Variants in HDAC9 observed in about 807,000 individuals in gnomAD.
The protein encoded by HDAC9 is histone deacetylase 9.
A neutral mutation model predicts 139.4 loss-of-function variants in HDAC9; 41 were observed. The observed-to-expected ratio is 0.29, with a 90% CI of 0.23 to 0.38. The LOEUF (loss-of-function observed/expected upper bound fraction) is 0.38, where lower values mean the gene tolerates loss of function less well. Among genes scored for constraint, HDAC9 ranks in the 10% least tolerant of loss-of-function variants. The pLI is 1.00. For synonymous variants in HDAC9, 517 were observed against 476.2 expected, an observed-to-expected ratio of 1.09 and a Z score of -1.12; for missense variants, 1,147 against 1,297.0, an observed-to-expected ratio of 0.88 and a Z score of 1.78.
intron 6 of HDAC9, among the ~76,000 whole-genome samples, chr7:18,618,378 T>C (rs1046725334): frequency 6.6e-6 from 1 of 152,102 alleles, no homozygotes; most frequent in Admixed American, 6.6e-5. Flanking sequence ...ATGAGGTTCA[T>C]GCTGAGAGAA....
At chr7:18,962,579 T>C (rs965445085) in intron 24 of HDAC9, among the ~76,000 whole-genome samples, 2 of 152,070 alleles carry the variant, frequency 1.3e-5, no homozygotes, top group African/African-American at 4.8e-5. Context: ...GAAAACCAAT[T>C]AAACCAAGAA....
At chr7:18,161,583 A>T (rs990875540) in intron 1 of HDAC9, among the ~76,000 whole-genome samples, 1 of 152,192 alleles carries the variant, frequency 6.6e-6, no homozygotes, top group Admixed American at 6.5e-5. Flanking sequence ...GTGGAAGTAC[A>T]TTAAAATTAA....
intron 1 of HDAC9, among the ~76,000 whole-genome samples, chr7:18,457,641 T>C (rs1300505162): frequency 6.6e-6 from 1 of 152,224 alleles, no homozygotes; most frequent in Non-Finnish European, 1.5e-5. Flanking sequence ...AACTGTAGGT[T>C]ATAAACGTCT....
intron 16 of HDAC9, among the ~76,000 whole-genome samples, chr7:18,779,560 G>A (rs776527481): frequency 9.9e-5 from 15 of 151,944 alleles, no homozygotes; most frequent in Non-Finnish European, 1.5e-4. Context: ...GAAGTATCCT[G>A]CCCAGCCTGA....
At chr7:18,098,111 C>T (rs749995094) in intron 1 of HDAC9, among the ~76,000 whole-genome samples, 1 of 152,180 alleles carries the variant, frequency 6.6e-6, no homozygotes, top group Non-Finnish European at 1.5e-5. Context: ...CAACTCAGTC[C>T]TTACATAAGA....
intron 2 of HDAC9, among the ~76,000 whole-genome samples, chr7:18,182,532 A>G (rs1789531756): frequency 6.6e-6 from 1 of 152,256 alleles, no homozygotes; most frequent in African/African-American, 2.4e-5. Flanking sequence ...TTGATGGAAA[A>G]GATAGCTAGC....
chr7:18,470,173 T>C (rs1025349222), intron 1 of HDAC9, among the ~76,000 whole-genome samples: 2 of 151,890 alleles, frequency 1.3e-5, no homozygotes, highest in Admixed American at 1.3e-4. Context: ...ATAAGCCAGG[T>C]GTGGTGGTGC....
intron 1 of HDAC9, among the ~76,000 whole-genome samples, chr7:18,327,154 A>T (rs1686319782): frequency 6.6e-6 from 1 of 151,816 alleles, no homozygotes; most frequent in African/African-American, 2.4e-5. Flanking sequence ...TTAATTTAGT[A>T]AGGAAACACC....
intron 24 of HDAC9, among the ~76,000 whole-genome samples, chr7:18,972,357 C>A (rs905498282): frequency 7.3e-6 from 1 of 137,450 alleles, no homozygotes; most frequent in Non-Finnish European, 1.6e-5. Flanking sequence ...GCTCAATTTT[C>A]GATGAACTTC....
chr7:18,125,138 C>G (rs2731567), intron 1 of HDAC9, among the ~76,000 whole-genome samples: 130,705 of 152,082 alleles, frequency 0.86, 57,410 homozygotes, highest in East Asian at 0.98. Flanking sequence ...GAAGTTGACT[C>G]GTGGCTGAGA....
At chr7:18,793,276 C>A (rs1470563730) in intron 16 of HDAC9, 69 bp from the exon 17 acceptor site, 3 of 1,069,898 alleles carry the variant, frequency 2.8e-6, no homozygotes, top group African/African-American at 3.1e-5. Context: ...TCCCCTTTTA[C>A]CCCTTTCATC....
chr7:18,713,932 C>G (rs567414039), intron 12 of HDAC9, among the ~76,000 whole-genome samples: 1 of 152,140 alleles, frequency 6.6e-6, no homozygotes, highest in Non-Finnish European at 1.5e-5. Flanking sequence ...TCGTTGATAA[C>G]AATGATATAT....
chr7:18,672,798 G>T (rs1170993905), intron 12 of HDAC9, among the ~76,000 whole-genome samples: 1 of 151,730 alleles, frequency 6.6e-6, no homozygotes, highest in African/African-American at 2.4e-5. Context: ...CATGATTATT[G>T]GACTTCATTT....
intron 21 of HDAC9, among the ~76,000 whole-genome samples, chr7:18,844,027 A>G (rs1796752511): frequency 1.3e-5 from 2 of 152,166 alleles, no homozygotes; most frequent in Admixed American, 6.6e-5. Flanking sequence ...AAACATGTGG[A>G]TGATAGACTC....
intron 17 of HDAC9, among the ~76,000 whole-genome samples, chr7:18,824,093 G>GAAGAAGAAGAAGAAGAAGAAGAAC (rs869114650): frequency 2.3e-4 from 34 of 150,684 alleles, no homozygotes; most frequent in East Asian, 2.2e-3. Flanking sequence ...AGAAGAACAA[G>GAAGAAGAAGAAGAAGAAGAAGAAC]AACAAGAAGG....
chr7:18,950,172 T>C (rs1481943858), intron 23 of HDAC9, among the ~76,000 whole-genome samples: 1 of 152,100 alleles, frequency 6.6e-6, no homozygotes, highest in East Asian at 1.9e-4. Context: ...TCTATTGCTT[T>C]TTCTTCCGCT....
intron 2 of HDAC9, among the ~76,000 whole-genome samples, chr7:18,246,758 G>A (rs1399591727): frequency 2.0e-5 from 3 of 152,038 alleles, no homozygotes; most frequent in Admixed American, 6.6e-5. Flanking sequence ...ATACCGAGGG[G>A]CAAAACTCTA....
At chr7:18,599,402 C>A (rs1833340890) in intron 6 of HDAC9, among the ~76,000 whole-genome samples, 1 of 152,116 alleles carries the variant, frequency 6.6e-6, no homozygotes, top group Non-Finnish European at 1.5e-5. Flanking sequence ...ATATATCCAC[C>A]ATTACAGAAT....
chr7:18,810,585 C>A (rs1382009922), intron 17 of HDAC9, among the ~76,000 whole-genome samples: 1 of 151,844 alleles, frequency 6.6e-6, no homozygotes, highest in African/African-American at 2.4e-5. Flanking sequence ...ATAAAACACA[C>A]ATAATGTCTT....
Sources: gnomAD v4.1 joint callset for allele counts (sites outside exome capture counted in the v4.1 genomes callset) on GRCh38, gnomAD v4.1.1 for gene constraint, MANE v1.5 for transcripts, NCBI Gene and HGNC (gene_info 2026-07-23, HGNC 2026-07-21) for gene names.